The following PRKCG variants were observed in gnomAD, a reference collection of about 807,000 sequenced individuals.
The protein encoded by PRKCG is protein kinase C gamma type.
Under a neutral mutation model 82.0 loss-of-function variants are expected in PRKCG, and 28 were observed. The observed-to-expected ratio is 0.34, with a 90% confidence interval of 0.25 to 0.47. PRKCG has a LOEUF of 0.47. Ranked by LOEUF, PRKCG falls within the 20% of genes least tolerant of loss-of-function variation. PRKCG has a pLI of 1.00. For missense variants in PRKCG, 640 were observed against 952.7 expected, an observed-to-expected ratio of 0.67 and a Z score of 4.32; for synonymous variants, 383 against 376.6, an observed-to-expected ratio of 1.02 and a Z score of -0.20.
chr19:53,899,273 G>A (rs1271677758), intron 11 of PRKCG, among the ~76,000 whole-genome samples: 1 of 152,168 alleles, frequency 6.6e-6, no homozygotes, highest in Non-Finnish European at 1.5e-5. Context: ...GGAGTGGCCA[G>A]ATGCCTGTTT....
chr19:53,900,859 T>C lies in PRKCG; in HGVS notation c.1575+110T>C. 1 of 1,559,988 alleles carries C rather than the reference T, an allele frequency of 6.4e-7. No homozygotes were observed. The highest frequency in any genetic ancestry group is 8.8e-7 in the Non-Finnish European group (1 of 1,141,752). On this transcript the variant is annotated intron_variant, in intron 14 of 17. Coordinates refer to ENST00000263431, the MANE Select transcript of PRKCG (RefSeq NM_002739.5). The surrounding 1 kb of genome is among the most constrained non-coding windows in gnomAD (Gnocchi z 4.2). ...CCTGACCCTCAGACCTTGTCATGAG[T>C]TGTGGCCTTCTTACACAGCCAGTCG... is the stretch of plus-strand genomic sequence containing the variant.
chr19:53,893,392 G>T lies in PRKCG; in HGVS notation c.939+1G>T, dbSNP rs1395398748. Reference sequence around the variant, plus strand: ...TAACTACCCCCTGGAATTGTATGAGGTGAGTAGAACCAGGGCGTTGAATGG... The same window carrying T: ...TAACTACCCCCTGGAATTGTATGAGTTGAGTAGAACCAGGGCGTTGAATGG... On this transcript the variant is annotated splice_donor_variant, in intron 9 of 17. Transcript: ENST00000263431. LOFTEE classifies it high-confidence loss of function. 6.2e-7 allele frequency: 1 copy of T among 1,613,364 alleles called. No homozygotes were observed. The highest frequency in any genetic ancestry group is 8.5e-7 in the Non-Finnish European group (1 of 1,179,398).
intron 9 of PRKCG, 163 bp downstream of exon 9, chr19:53,893,554 T>A: frequency 9.0e-6 from 7 of 781,136 alleles, no homozygotes; most frequent in Non-Finnish European, 1.5e-5. Context: ...CAGAGATGAA[T>A]CTGACCCTCA....
Position 53,892,750 on chromosome 19 carries a change from G to GCA in PRKCG, c.821+108_821+109insAC, listed in dbSNP as rs1491356004. 23 of 1,168,622 alleles carry GCA rather than the reference G, an allele frequency of 2.0e-5. No homozygotes were observed. The African/African-American group carries it at 2.9e-4, about 15-fold the overall frequency. The allele number at this position is 1,168,622 out of a possible 1,614,324, so 72.4% of individuals were successfully genotyped here. On this transcript the variant is annotated intron_variant, in intron 7 of 17. Transcript: ENST00000263431. The surrounding 1 kb of genome is among the most constrained non-coding windows in gnomAD (Gnocchi z 5.9). The stretch of plus-strand genomic sequence containing the variant: ...TGTCCTTCCCTCTGCCTCCCAGCAT[G>GCA]CGCACACACACACACACACACACAC...
intron 3 of PRKCG, among the ~76,000 whole-genome samples, chr19:53,887,857 T>C (rs2068643436): frequency 6.9e-6 from 1 of 145,900 alleles, no homozygotes; most frequent in Non-Finnish European, 1.5e-5. Flanking sequence ...AAAAGTAACA[T>C]GGATCAAGAT....
In PRKCG at chr19:53,882,412, C is replaced by A; in HGVS notation, c.-83C>A. On this transcript the variant is annotated 5_prime_UTR_variant, in exon 1 of 18. Transcript: ENST00000263431. This position sits in a 1 kb window ranked among gnomAD's most constrained non-coding sequence, Gnocchi z 6.1. ...GGAATTTCCCTGTGGCTCCTTTGAT[C>A]CTTCGAGTCTCCAGCTCCTCTCCCT... 8 of 1,552,448 alleles carry A rather than the reference C, an allele frequency of 5.2e-6. No homozygotes were observed. The highest frequency in any genetic ancestry group is 7.0e-6 in the Non-Finnish European group (8 of 1,146,950).
At chr19:53,888,841 G>A (rs1391059370) in intron 3 of PRKCG, among the ~76,000 whole-genome samples, 1 of 152,162 alleles carries the variant, frequency 6.6e-6, no homozygotes, top group Non-Finnish European at 1.5e-5. Context: ...ACTTGTGGGA[G>A]TTGGGGGGAT....
At chr19:53,881,502 A>T (rs1262942830), upstream of PRKCG, among the ~76,000 whole-genome samples, 1 of 152,030 alleles carries the variant, frequency 6.6e-6, no homozygotes, top group East Asian at 1.9e-4. Context: ...AATTTATCAG[A>T]CGTAGAGGGA....
chr19:53,902,944 A>C, intron 14 of PRKCG, 129 bp from the exon 15 acceptor site: 1 of 720,830 alleles, frequency 1.4e-6, no homozygotes, highest in Admixed American at 2.2e-5. Flanking sequence ...TGATGAAATA[A>C]ATATTCAGAG....
intron 6 of PRKCG, 51 bp downstream of exon 6, chr19:53,891,881 A>G: frequency 6.2e-7 from 1 of 1,611,322 alleles, no homozygotes. Flanking sequence ...GAATGATCTG[A>G]GGGTCCTAGT....
Position 53,900,343 on chromosome 19 carries a change from A to C in PRKCG, c.1373+19A>C, listed in dbSNP as rs752827533. 1 of 1,614,026 alleles carries C rather than the reference A, an allele frequency of 6.2e-7. No individual in the cohort carries two copies. Among genetic ancestry groups the C allele is most frequent in the Admixed American group, 1.7e-5 (1 of 60,018 alleles). ...ATGCAGCGTGAGTCTCGGCCAACAGAGAATGGTCGGGGTGGTGGAAGGGGG... is the reference window on the plus strand; with the variant it reads ...ATGCAGCGTGAGTCTCGGCCAACAGCGAATGGTCGGGGTGGTGGAAGGGGG... On this transcript the variant is annotated intron_variant, in intron 12 of 17. Transcript: ENST00000263431. This position sits in a 1 kb window ranked among gnomAD's most constrained non-coding sequence, Gnocchi z 4.2.
intron 16 of PRKCG, among the ~76,000 whole-genome samples, chr19:53,906,069 CCTCCTCCTCCTCCTCCTT>C (rs2068804676): frequency 5.4e-5 from 3 of 55,630 alleles, no homozygotes; most frequent in Non-Finnish European, 9.0e-5. Flanking sequence ...TCCTCCTCCT[CCTCCTCCTCCTCCTCCTT>C]CTTCTTCTTC....
At chr19:53,886,267 C>T (rs1351559715) in intron 3 of PRKCG, among the ~76,000 whole-genome samples, 6 of 151,396 alleles carry the variant, frequency 4.0e-5, no homozygotes, top group Non-Finnish European at 8.9e-5. Context: ...GCCACCATGG[C>T]CGGCTAATTT....
intron 16 of PRKCG, among the ~76,000 whole-genome samples, chr19:53,906,039 CT>C (rs1568763765): frequency 2.5e-5 from 2 of 79,054 alleles, no homozygotes; most frequent in Admixed American, 1.3e-4. Flanking sequence ...CCTCCTCCTC[CT>C]CCCTCCTCCT....
chr19:53,890,706 C>G (rs1048905846), intron 5 of PRKCG, among the ~76,000 whole-genome samples: 2 of 150,774 alleles, frequency 1.3e-5, no homozygotes, highest in South Asian at 2.1e-4. Flanking sequence ...CTCAGCCTCC[C>G]GAGTAGCTGG....
Position 53,884,132 on chromosome 19 carries a change from G to C in PRKCG, c.203-29G>C. 6.2e-7 allele frequency: 1 copy of C among 1,611,304 alleles called. No homozygotes were observed. Among genetic ancestry groups the C allele is most frequent in the Non-Finnish European group, 8.5e-7 (1 of 1,177,776 alleles). On this transcript the variant is annotated intron_variant, in intron 2 of 17. Coordinates refer to ENST00000263431, the MANE Select transcript of PRKCG (RefSeq NM_002739.5). This position sits in a 1 kb window ranked among gnomAD's most constrained non-coding sequence, Gnocchi z 4.6. ...TCCCGCTGGACTAATCCATGCCTCCGTCTGTGTCTCTATGATTTTCATCTA... is the reference window on the plus strand; with the variant it reads ...TCCCGCTGGACTAATCCATGCCTCCCTCTGTGTCTCTATGATTTTCATCTA...
chr19:53,903,240 C>G (rs1482474739), intron 15 of PRKCG, 87 bp downstream of exon 15: 2 of 1,051,464 alleles, frequency 1.9e-6, no homozygotes, highest in Middle Eastern at 2.0e-4. Flanking sequence ...AGAAAGGAGC[C>G]CAGAAGGTTG....
At position 53,884,275 on chromosome 19, in the gene PRKCG, G is replaced by C. The variant is rs768428242; in HGVS notation, c.285+32G>C. On this transcript the variant is annotated intron_variant, in intron 3 of 17. Coordinates refer to ENST00000263431, the MANE Select transcript of PRKCG (RefSeq NM_002739.5). The surrounding 1 kb of genome is among the most constrained non-coding windows in gnomAD (Gnocchi z 4.6). ...GCTCGGACACCTGGTTCTCCTCCTC[G>C]GGCCGTGCCCCCGCCCTCACCCCCT... 8 of 1,603,634 alleles carry C rather than the reference G, an allele frequency of 5.0e-6. No individual in the cohort carries two copies. Among genetic ancestry groups the C allele is most frequent in the South Asian group, 4.4e-5 (4 of 90,882 alleles).
At chr19:53,906,198 G>C in intron 16 of PRKCG, 119 bp from the exon 17 acceptor site, 1 of 1,335,772 alleles carries the variant, frequency 7.5e-7, no homozygotes, top group Admixed American at 2.0e-5. Context: ...TATCTCTCCG[G>C]ATCTCATGCC....
Sources: gnomAD v4.1 joint callset for allele counts (sites outside exome capture counted in the v4.1 genomes callset) on GRCh38, gnomAD v4.1.1 for gene constraint, Gnocchi (gnomAD v3.1) non-coding constraint, MANE v1.5 for transcripts, NCBI Gene and HGNC (gene_info 2026-07-23, HGNC 2026-07-21) for gene names.